The following NPEPL1 variants were observed in gnomAD, a reference collection of about 807,000 sequenced individuals.
NPEPL1 encodes the protein probable aminopeptidase NPEPL1.
NPEPL1 carries 45 observed loss-of-function variants against 52.4 expected under a neutral mutation model. That is an observed-to-expected ratio of 0.86 (90% CI 0.68 to 1.10). NPEPL1 has a LOEUF of 1.10. Among genes scored for constraint, NPEPL1 ranks in the 50% least tolerant of loss-of-function variants. The pLI is 0.00. For synonymous variants in NPEPL1, 360 were observed against 314.7 expected (o/e 1.14, Z -1.52); for missense variants, 696 against 710.9 (o/e 0.98, Z 0.24).
At chr20:58,695,023 G>GCTGTGTGTA (rs2084438970) in intron 3 of NPEPL1, among the ~76,000 whole-genome samples, 1 of 1,874 alleles carries the variant, frequency 5.3e-4, no homozygotes, top group Non-Finnish European at 1.1e-3. Context: ...ATGTGTGTGT[G>GCTGTGTGTA]TGTGTGGTAT....
At chr20:58,694,710 C>G in intron 3 of NPEPL1, 118 bp downstream of exon 3, 2 of 1,120,748 alleles carry the variant, frequency 1.8e-6, no homozygotes, top group Non-Finnish European at 2.5e-6. Context: ...CTGCCCTTCC[C>G]AGGAGCTTTG....
At chr20:58,693,514 C>G (rs2123075831) in intron 1 of NPEPL1, 1 of 478,840 alleles carries the variant, frequency 2.1e-6, no homozygotes, top group Middle Eastern at 5.2e-4. Context: ...CCCTTCCAGG[C>G]TTGGTGGCTT....
At position 58,715,429 on chromosome 20, in the gene NPEPL1, C is replaced by T. The variant is rs2084933529; in HGVS notation, c.*103C>T. 2 of 1,273,634 alleles carry T rather than the reference C, an allele frequency of 1.6e-6. No homozygotes were observed. The highest frequency in any genetic ancestry group is 1.0e-6 in the Non-Finnish European group (1 of 959,166). The allele number at this position is 1,273,634 out of a possible 1,614,324, so 78.9% of individuals were successfully genotyped here. On this transcript the variant is annotated 3_prime_UTR_variant, in exon 12 of 12. Coordinates refer to ENST00000356091, the MANE Select transcript of NPEPL1 (RefSeq NM_024663.4). ...GCCCTTCATATGGGTTTTGGTTTGTCTTTCTGGTCGTCAGCGTGGTGGTGG... is the reference window on the plus strand; with the variant it reads ...GCCCTTCATATGGGTTTTGGTTTGTTTTTCTGGTCGTCAGCGTGGTGGTGG...
At chr20:58,694,218 T>C (rs935507980) in intron 2 of NPEPL1, among the ~76,000 whole-genome samples, 28 of 152,132 alleles carry the variant, frequency 1.8e-4, no homozygotes, top group Non-Finnish European at 1.5e-5. Context: ...GTGGCCAATG[T>C]GTTATTTCTC....
rs770765775 is a variant in NPEPL1 at position 58,694,400 on chromosome 20, G to A, written c.337-22G>A. The A allele has an allele frequency of 4.4e-6, 7 of 1,587,010 alleles. No homozygotes were observed. In the East Asian group the frequency reaches 9.0e-5, roughly 20 times the overall value. ...TGGTGGCGGCCCTTGCACCCCTCACGCCGTCTCCCTATGTGCCACAGATGG... is the reference window on the plus strand; with the variant it reads ...TGGTGGCGGCCCTTGCACCCCTCACACCGTCTCCCTATGTGCCACAGATGG... On this transcript the variant is annotated intron_variant, in intron 2 of 11. Transcript: ENST00000356091.
chr20:58,704,879 G>A (rs1433882351), intron 6 of NPEPL1, among the ~76,000 whole-genome samples: 1 of 152,198 alleles, frequency 6.6e-6, no homozygotes, highest in Non-Finnish European at 1.5e-5. Context: ...AGACTTTTGG[G>A]CTCTGTGGCA....
At chr20:58,703,066 C>T (rs1286081489) in intron 6 of NPEPL1, among the ~76,000 whole-genome samples, 3 of 152,172 alleles carry the variant, frequency 2.0e-5, no homozygotes, top group Non-Finnish European at 4.4e-5. Flanking sequence ...GTTTCGACAC[C>T]GGGAGGTAGG....
chr20:58,713,779 C>A lies in NPEPL1; in HGVS notation c.1126-138C>A. The A allele has an allele frequency of 8.9e-7, 1 of 1,122,714 alleles. No individual in the cohort carries two copies. The highest frequency in any genetic ancestry group is 1.2e-6 in the Non-Finnish European group (1 of 834,230). The allele number at this position is 1,122,714 out of a possible 1,614,324, so 69.5% of individuals were successfully genotyped here. On this transcript the variant is annotated intron_variant, in intron 9 of 11. Transcript: ENST00000356091. This position sits in a 1 kb window ranked among gnomAD's most constrained non-coding sequence, Gnocchi z 4.6. Reference sequence around the variant, plus strand: ...GCTTCATGGCCATGGTCCTTTCTGCCTGTGTTTTTTCTTTTTTTCTCAACC... The same window carrying A: ...GCTTCATGGCCATGGTCCTTTCTGCATGTGTTTTTTCTTTTTTTCTCAACC...
Position 58,713,126 on chromosome 20 carries a change from G to A in NPEPL1, c.1002-294G>A, listed in dbSNP as rs532998552. 3.4e-5 allele frequency: 14 copies of A among 405,990 alleles called. No homozygotes were observed. The highest frequency in any genetic ancestry group is 2.0e-4 in the African/African-American group (10 of 50,000). The allele number at this position is 405,990 out of a possible 1,614,324, so 25.1% of individuals were successfully genotyped here. On this transcript the variant is annotated intron_variant, in intron 8 of 11. Transcript: ENST00000356091. This position sits in a 1 kb window ranked among gnomAD's most constrained non-coding sequence, Gnocchi z 4.6. ...CAGTGTGCTGAAGGCCAGCCCAGCC[G>A]GTTCATGCCACCCACTTTACAGAAG...
intron 7 of NPEPL1, among the ~76,000 whole-genome samples, chr20:58,711,935 C>T (rs1206252386): frequency 1.4e-5 from 2 of 142,446 alleles, no homozygotes; most frequent in African/African-American, 2.5e-5. Context: ...CATTGCTGCC[C>T]GGGTGTGGCC....
chr20:58,707,724 T>TG (rs2084765510), intron 7 of NPEPL1, among the ~76,000 whole-genome samples: 3 of 95,106 alleles, frequency 3.2e-5, no homozygotes, highest in Non-Finnish European at 4.4e-5. Context: ...GTGGGGGGGG[T>TG]GGGGGGTGAC....
chr20:58,714,163 G>A, intron 10 of NPEPL1, 70 bp downstream of exon 10: 1 of 1,487,024 alleles, frequency 6.7e-7, no homozygotes, highest in Non-Finnish European at 8.9e-7. Context: ...CCTGCCTTCA[G>A]GGTGCTGGTG....
intron 10 of NPEPL1, 47 bp downstream of exon 10, chr20:58,714,140 G>A (rs571934194): frequency 3.2e-5 from 48 of 1,507,836 alleles, no homozygotes; most frequent in African/African-American, 2.0e-4. Flanking sequence ...GGGTGGAGCC[G>A]GGCAGGCGGA....
chr20:58,693,417 T>G (rs1459131750), intron 1 of NPEPL1: 3 of 266,746 alleles, frequency 1.1e-5, no homozygotes, highest in Non-Finnish European at 2.1e-5. Flanking sequence ...CTGCCTTTCC[T>G]TGGGGACACC....
chr20:58,701,193 G>T, intron 6 of NPEPL1, 35 bp downstream of exon 6: 1 of 1,452,296 alleles, frequency 6.9e-7, no homozygotes, highest in Non-Finnish European at 9.2e-7. Flanking sequence ...GTGCCCTGGG[G>T]GAGGGGAGGG....
intron 7 of NPEPL1, chr20:58,711,122 T>TTCTCCCCCTCTCCTCCTCCTCCCCCTC (rs2084832383): frequency 1.1e-4 from 5 of 46,144 alleles, no homozygotes; most frequent in Non-Finnish European, 2.0e-4. Context: ...CTCCTCCCCC[T>TTCTCCCCCTCTCCTCCTCCTCCCCCTC]CTCCTCCTCC....
upstream of NPEPL1, chr20:58,692,666 G>A: frequency 3.3e-6 from 1 of 301,386 alleles, no homozygotes. The surrounding 1 kb of genome is among the most constrained non-coding windows in gnomAD (Gnocchi z 5.7). Context: ...GGCCGGCTTC[G>A]GGCCTGCCCG....
Position 58,707,152 on chromosome 20 carries a change from C to T in NPEPL1, c.852C>T (p.Cys284=), listed in dbSNP as rs549684768. 147 of 1,552,640 alleles carry T rather than the reference C, an allele frequency of 9.5e-5. No individual in the cohort carries two copies. Among genetic ancestry groups the T allele is most frequent in the Non-Finnish European group, 1.1e-4 (129 of 1,147,830 alleles). ...CCATGCCGGGGATGAAGCGAGACTG[C>T]GGGGGTGCTGCGGCCGTCCTGGGGG... The part of the protein sequence containing the change: ...KTTMPGMKRD[C]GGAAAVLGAF... Residue 284 remains cysteine, a synonymous_variant, in exon 7 of 12, where the codon TGC becomes TGT. Transcript: ENST00000356091.
At chr20:58,712,065 C>T (rs1402058790) in intron 7 of NPEPL1, among the ~76,000 whole-genome samples, 1 of 152,190 alleles carries the variant, frequency 6.6e-6, no homozygotes, top group Non-Finnish European at 1.5e-5. Flanking sequence ...TAACTTCACA[C>T]CTAAACTTCC....
Sources: gnomAD v4.1 joint callset for allele counts (sites outside exome capture counted in the v4.1 genomes callset) on GRCh38, gnomAD v4.1.1 for gene constraint, Gnocchi (gnomAD v3.1) non-coding constraint, MANE v1.5 for transcripts, NCBI Gene and HGNC (gene_info 2026-07-23, HGNC 2026-07-21) for gene names.